The following MCF2 variants were observed in gnomAD, a reference collection of about 807,000 sequenced individuals.
The protein encoded by MCF2 is proto-oncogene DBL.
Under a neutral mutation model 82.5 loss-of-function variants are expected in MCF2, and 44 were observed. The observed-to-expected ratio is 0.53, with a 90% confidence interval of 0.42 to 0.69. MCF2 has a LOEUF of 0.69. Among genes scored for constraint, MCF2 ranks in the 30% least tolerant of loss-of-function variants. The pLI is 0.00. For missense variants in MCF2, 623 were observed against 663.1 expected (o/e 0.94, Z 0.66); for synonymous variants, 217 against 224.9 (o/e 0.96, Z 0.32).
chrX:139,654,120 T>C (rs901888806), intron 1 of MCF2, among the ~76,000 whole-genome samples: 79 of 112,035 alleles, frequency 7.1e-4, no homozygotes, highest in Admixed American at 6.7e-4. Context: ...TGTAAATATC[T>C]CTTCAATATA....
At chrX:139,674,373 G>A (rs932414278) in intron 1 of MCF2, among the ~76,000 whole-genome samples, 1 of 111,622 alleles carries the variant, frequency 9.0e-6, no homozygotes, top group Non-Finnish European at 1.9e-5. Context: ...TATGATGTTA[G>A]CTGGTTACTT....
intron 1 of MCF2, among the ~76,000 whole-genome samples, chrX:139,703,056 G>A (rs747272968): frequency 4.5e-4 from 51 of 112,194 alleles, no homozygotes; most frequent in African/African-American, 1.4e-3. Context: ...GGACCACTGC[G>A]GCAAATTATC....
chrX:139,649,658 G>C (rs1034863332), intron 2 of MCF2, among the ~76,000 whole-genome samples: 1 of 111,345 alleles, frequency 9.0e-6, no homozygotes, highest in African/African-American at 3.3e-5. Context: ...TATGAGAAGA[G>C]ATCAAAAGAG....
At chrX:139,637,862 T>A (rs750282979) in intron 1 of MCF2, among the ~76,000 whole-genome samples, 3 of 111,555 alleles carry the variant, frequency 2.7e-5, no homozygotes, top group Non-Finnish European at 5.6e-5. Context: ...GTGGGACCGA[T>A]GTAATCATTA....
At chrX:139,631,210 T>C (rs1165861448) in intron 3 of MCF2, among the ~76,000 whole-genome samples, 185 bp downstream of exon 6, 1 of 111,839 alleles carries the variant, frequency 8.9e-6, no homozygotes, top group African/African-American at 3.2e-5. Context: ...CATTTCTAGA[T>C]ATTGCCTATG....
chrX:139,617,557 T>C (rs1160315126), exon 8 of MCF2: 1 of 1,198,436 alleles, frequency 8.3e-7, no homozygotes, highest in Non-Finnish European at 1.1e-6. Flanking sequence ...CTGAGTTGTA[T>C]CCGTTTTGCT....
chrX:139,655,739 CAT>C (rs1441425382), intron 1 of MCF2, among the ~76,000 whole-genome samples: 5 of 111,321 alleles, frequency 4.5e-5, no homozygotes, highest in Non-Finnish European at 9.4e-5. Context: ...CAAGTGTTCT[CAT>C]AGAGTTCTAA....
At chrX:139,649,637 C>T (rs183167738) in intron 2 of MCF2, among the ~76,000 whole-genome samples, 52 of 48,559 alleles carry the variant, frequency 1.1e-3, no homozygotes, top group African/African-American at 3.8e-3. Flanking sequence ...TACTGTCCTA[C>T]GAGTAAACTT....
chrX:139,682,965 T>C (rs1935037338), intron 1 of MCF2, among the ~76,000 whole-genome samples: 1 of 111,923 alleles, frequency 8.9e-6, no homozygotes, highest in Non-Finnish European at 1.9e-5. Context: ...GGTCTCACTC[T>C]GTCACCCACG....
intron 16 of MCF2, 119 bp from the exon 21 acceptor site, chrX:139,598,617 T>C: frequency 2.5e-6 from 1 of 397,370 alleles, no homozygotes; most frequent in Non-Finnish European, 4.2e-6. Flanking sequence ...AGAATATTTA[T>C]TGGAAAAATC....
At chrX:139,651,953 G>C (rs1328147073) in intron 1 of MCF2, among the ~76,000 whole-genome samples, 165 bp from the exon 2 acceptor site, 1 of 111,386 alleles carries the variant, frequency 9.0e-6, no homozygotes, top group South Asian at 3.8e-4. Context: ...ACATGGCAAA[G>C]AAATCACACT....
exon 1 of MCF2, chrX:139,642,856 G>A (rs1933655225): frequency 4.4e-6 from 4 of 900,117 alleles, no homozygotes; most frequent in Admixed American, 6.0e-5. Flanking sequence ...GTGGAAGGAG[G>A]AGGAAAAAAA....
intron 1 of MCF2, among the ~76,000 whole-genome samples, chrX:139,678,461 A>G (rs976740056): frequency 8.9e-6 from 1 of 112,055 alleles, no homozygotes; most frequent in Non-Finnish European, 1.9e-5. Context: ...AAATAAAAAA[A>G]CTGATTAATT....
exon 11 of MCF2, chrX:139,610,338 C>T: frequency 1.7e-6 from 2 of 1,165,797 alleles, no homozygotes; most frequent in Non-Finnish European, 2.3e-6. Context: ...AGTCTTCTTC[C>T]CTGGTAGAGA....
intron 2 of MCF2, among the ~76,000 whole-genome samples, chrX:139,648,282 G>A (rs1172013083): frequency 9.0e-6 from 1 of 110,624 alleles, no homozygotes; most frequent in Non-Finnish European, 1.9e-5. Context: ...TGAGGCAGGA[G>A]AATCGCTTGA....
In MCF2 at chrX:139,696,893, C is replaced by T. The variant is rs1935396122; in HGVS notation, c.-45+11213G>A. On this transcript the variant is annotated intron_variant, in intron 1 of 27. Transcript: ENST00000414978. ...TTTATAGAATAAGGATAATAGCAAC[C>T]TCACAATTTATATAAATTACTTAAG... is the stretch of plus-strand genomic sequence containing the variant. 2.7e-5 allele frequency among the ~76,000 whole-genome samples: 3 copies of T among 112,007 alleles called. No homozygotes were observed. In the Admixed American group the frequency reaches 2.8e-4, roughly 11 times the overall value.
intron 1 of MCF2, among the ~76,000 whole-genome samples, chrX:139,698,891 C>T (rs1935432204): frequency 9.0e-6 from 1 of 111,443 alleles, no homozygotes; most frequent in South Asian, 3.8e-4. Flanking sequence ...AATAAGTATA[C>T]CATCTTCATT....
intron 1 of MCF2, among the ~76,000 whole-genome samples, chrX:139,662,340 A>T (rs1934379202): frequency 9.3e-6 from 1 of 107,677 alleles, no homozygotes; most frequent in African/African-American, 3.7e-5. Flanking sequence ...CTTTTTTCTT[A>T]CAGAAATTAA....
intron 1 of MCF2, among the ~76,000 whole-genome samples, chrX:139,676,298 C>A (rs1406252929): frequency 3.6e-5 from 4 of 111,720 alleles, no homozygotes; most frequent in Non-Finnish European, 7.5e-5. Context: ...TGATGCCCCA[C>A]CCTGCTTCAG....
Sources: allele counts gnomAD v4.1 joint callset (sites outside exome capture counted in the v4.1 genomes callset), GRCh38; gene constraint gnomAD v4.1.1; transcripts MANE v1.5; gene names NCBI Gene and HGNC (gene_info 2026-07-23, HGNC 2026-07-21).